RNF217: variants seen among roughly 807,000 people sequenced by gnomAD.
The protein encoded by RNF217 is ring finger protein 217, also known as E3 ubiquitin-protein ligase RNF217.
A neutral mutation model predicts 57.8 loss-of-function variants in RNF217; 31 were observed. The observed-to-expected ratio is 0.54, with a 90% CI of 0.40 to 0.72. The LOEUF (loss-of-function observed/expected upper bound fraction) is 0.72, where lower values mean the gene tolerates loss of function less well. Among genes scored for constraint, RNF217 ranks in the 30% least tolerant of loss-of-function variants. The pLI is 0.00. For synonymous variants in RNF217, 313 were observed against 294.0 expected, an observed-to-expected ratio of 1.06 and a Z score of -0.66; for missense variants, 696 against 708.3, an observed-to-expected ratio of 0.98 and a Z score of 0.20.
At chr6:124,978,383 A>G (rs570267004) in intron 1 of RNF217, among the ~76,000 whole-genome samples, 2 of 151,474 alleles carry the variant, frequency 1.3e-5, no homozygotes, top group East Asian at 1.9e-4. Context: ...CGCTCAGCCC[A>G]TGGATCAACC....
chr6:125,052,425 T>A lies in RNF217; in HGVS notation c.1117-5517T>A, dbSNP rs146256184. 7.0e-4 allele frequency among the ~76,000 whole-genome samples: 107 copies of A among 152,008 alleles called. 1 individual carries two copies. The Middle Eastern group carries it at 0.01, about 14-fold the overall frequency. On this transcript the variant is annotated intron_variant, in intron 2 of 5. Transcript: ENST00000521654. ...TTCCAGCTTAGTTTTAGCTGTGCTG[T>A]GAGAAACTAAGGCAAGGATCACTTG...
intron 1 of RNF217, among the ~76,000 whole-genome samples, chr6:125,008,594 C>T (rs994167222): frequency 2.0e-5 from 3 of 152,168 alleles, no homozygotes; most frequent in African/African-American, 4.8e-5. Context: ...TGACAAAGTG[C>T]TGATTAGTCC....
At chr6:124,986,627 T>C (rs1315838412) in intron 1 of RNF217, among the ~76,000 whole-genome samples, 2 of 152,202 alleles carry the variant, frequency 1.3e-5, no homozygotes, top group Non-Finnish European at 2.9e-5. Context: ...CAAAAGAATT[T>C]TATAAGGTTA....
At chr6:124,966,987 G>A (rs1197630111) in intron 1 of RNF217, among the ~76,000 whole-genome samples, 1 of 152,208 alleles carries the variant, frequency 6.6e-6, no homozygotes, top group Non-Finnish European at 1.5e-5. Flanking sequence ...TAACTTTACA[G>A]TGCAGTAGCT....
intron 1 of RNF217, among the ~76,000 whole-genome samples, chr6:124,985,679 A>G (rs963701938): frequency 6.6e-6 from 1 of 152,198 alleles, no homozygotes; most frequent in Non-Finnish European, 1.5e-5. Context: ...TAAAGCCACA[A>G]TATATTGTTC....
chr6:125,045,171 G>A (rs781067123), intron 1 of RNF217, 40 bp from the exon 2 acceptor site: 2 of 1,297,606 alleles, frequency 1.5e-6, no homozygotes, highest in African/African-American at 3.0e-5. Context: ...AAAATAACCA[G>A]TGACGTTTTT....
chr6:124,965,725 A>C (rs1783513567), intron 1 of RNF217, among the ~76,000 whole-genome samples: 1 of 151,602 alleles, frequency 6.6e-6, no homozygotes, highest in Non-Finnish European at 1.5e-5. Flanking sequence ...TGCTCACTGC[A>C]CTCCTTTTCA....
intron 4 of RNF217, among the ~76,000 whole-genome samples, chr6:125,081,024 C>T (rs936580550): frequency 6.6e-6 from 1 of 152,034 alleles, no homozygotes; most frequent in African/African-American, 2.4e-5. Context: ...CCTACCAGCT[C>T]TCCATGTTAT....
At chr6:125,036,484 T>A (rs1056569694) in intron 1 of RNF217, among the ~76,000 whole-genome samples, 4 of 152,004 alleles carry the variant, frequency 2.6e-5, no homozygotes, top group African/African-American at 9.7e-5. Flanking sequence ...TGGTTCCAGA[T>A]CCAAAAGGAA....
intron 4 of RNF217, among the ~76,000 whole-genome samples, chr6:125,079,444 A>G (rs1788496708): frequency 6.6e-6 from 1 of 152,014 alleles, no homozygotes; most frequent in Non-Finnish European, 1.5e-5. Context: ...CAATTAAAAA[A>G]AAAAAAAAAG....
chr6:125,045,514 C>A, intron 2 of RNF217, 70 bp downstream of exon 2: 1 of 1,171,358 alleles, frequency 8.5e-7, no homozygotes, highest in South Asian at 1.4e-5. Flanking sequence ...ATCCACTTGT[C>A]GTGGGCATTA....
chr6:124,983,891 T>G (rs1359072396), intron 1 of RNF217, among the ~76,000 whole-genome samples: 1 of 152,178 alleles, frequency 6.6e-6, no homozygotes, highest in Non-Finnish European at 1.5e-5. Flanking sequence ...GAGTTCAGCA[T>G]CAAGGCACCA....
chr6:124,992,490 A>G (rs1345403001), intron 1 of RNF217, among the ~76,000 whole-genome samples: 2 of 151,836 alleles, frequency 1.3e-5, no homozygotes, highest in Non-Finnish European at 2.9e-5. Context: ...TGTAGATGTA[A>G]TGGCTGTTCT....
chr6:125,078,306 G>A (rs1271464831), intron 4 of RNF217, among the ~76,000 whole-genome samples: 6 of 152,164 alleles, frequency 3.9e-5, no homozygotes, highest in African/African-American at 1.4e-4. Context: ...TATGGAGAGA[G>A]CAACATGAAA....
intron 2 of RNF217, among the ~76,000 whole-genome samples, chr6:125,052,283 T>TGG (rs1787346804): frequency 7.2e-6 from 1 of 139,500 alleles, no homozygotes; most frequent in African/African-American, 3.2e-5. Flanking sequence ...TGTCATGCGT[T>TGG]TTGTGTGTGT....
intron 4 of RNF217, among the ~76,000 whole-genome samples, chr6:125,080,354 T>A (rs1788527592): frequency 6.6e-6 from 1 of 152,166 alleles, no homozygotes; most frequent in South Asian, 2.1e-4. Context: ...ACATGTCTGG[T>A]CATCTGGTTC....
In RNF217 at chr6:125,020,564, C is replaced by CT. The variant is rs551891600; in HGVS notation, c.883-24636dup. On this transcript the variant is annotated intron_variant, in intron 1 of 5. Transcript: ENST00000521654. ...GGATGTGAGATCTGGTTGTTGTTGC[C>CT]TTTTTTTTTTTAAATTGCCCTGCTT... is the stretch of plus-strand genomic sequence containing the variant. Among the ~76,000 whole-genome samples the CT allele has an allele frequency of 4.3e-3, 626 of 145,646 alleles. 5 individuals carry two copies. The highest frequency in any genetic ancestry group is 0.013 in the African/African-American group (510 of 39,928).
intron 1 of RNF217, among the ~76,000 whole-genome samples, chr6:125,022,540 G>A (rs1785885048): frequency 6.6e-6 from 1 of 152,156 alleles, no homozygotes; most frequent in Non-Finnish European, 1.5e-5. Flanking sequence ...CAGCTGAACT[G>A]CAACCAGCCA....
At chr6:125,023,710 A>G (rs1421568856) in intron 1 of RNF217, among the ~76,000 whole-genome samples, 1 of 152,214 alleles carries the variant, frequency 6.6e-6, no homozygotes, top group Non-Finnish European at 1.5e-5. Context: ...AAGAATATCT[A>G]GTATATTTAA....
Sources: gnomAD v4.1 joint callset for allele counts (sites outside exome capture counted in the v4.1 genomes callset) on GRCh38, gnomAD v4.1.1 for gene constraint, MANE v1.5 for transcripts, NCBI Gene and HGNC (gene_info 2026-07-23, HGNC 2026-07-21) for gene names.